The following CNTLN variants were observed in gnomAD, a reference collection of about 807,000 sequenced individuals.
The protein encoded by CNTLN is centlein, centrosomal protein.
In CNTLN, 212 loss-of-function variants were observed where a neutral mutation model predicts 180.0. That is an observed-to-expected ratio of 1.18 (90% CI 1.05 to 1.32). CNTLN has a LOEUF of 1.32. Ranked by LOEUF, CNTLN falls within the 40% of genes most tolerant of loss-of-function variation. CNTLN has a pLI of 0.00. For missense variants in CNTLN, 2,095 were observed against 1,610.9 expected, an observed-to-expected ratio of 1.30 and a Z score of -5.14; for synonymous variants, 722 against 563.1, an observed-to-expected ratio of 1.28 and a Z score of -3.99.
At chr9:17,147,212 A>G (rs1285989180) in intron 2 of CNTLN, among the ~76,000 whole-genome samples, 1 of 152,202 alleles carries the variant, frequency 6.6e-6, no homozygotes, top group African/African-American at 2.4e-5. Flanking sequence ...ATTGTAGTGA[A>G]TGAGAGTTAG....
Position 17,377,740 on chromosome 9 carries a change from A to T in CNTLN, c.1988-10422A>T, listed in dbSNP as rs1478947031. On this transcript the variant is annotated intron_variant, in intron 13 of 25. Transcript: ENST00000380647. ...TTTCTAGATGTTACTCATTTATAGA[A>T]TCAGTGGTTGCTGTGAGGATGTGTT... Among the ~76,000 whole-genome samples, 5 of 152,172 alleles carry T rather than the reference A, an allele frequency of 3.3e-5. No homozygotes were observed. The East Asian group carries it at 9.6e-4, about 29-fold the overall frequency.
chr9:17,205,587 G>T (rs1221614321), intron 2 of CNTLN, among the ~76,000 whole-genome samples: 1 of 152,194 alleles, frequency 6.6e-6, no homozygotes, highest in Non-Finnish European at 1.5e-5. Context: ...GGTGGGAGCA[G>T]TCAGCTGGCT....
chr9:17,143,437 A>T, intron 2 of CNTLN, 61 bp downstream of exon 2: 2 of 1,204,416 alleles, frequency 1.7e-6, no homozygotes, highest in South Asian at 2.5e-5. Context: ...TCTCTTCATT[A>T]TTAAAGTTAG....
At chr9:17,343,135 G>C (rs998241383) in intron 12 of CNTLN, among the ~76,000 whole-genome samples, 1 of 152,172 alleles carries the variant, frequency 6.6e-6, no homozygotes, top group African/African-American at 2.4e-5. Context: ...TCATATTTTA[G>C]AAAACATACA....
At chr9:17,170,040 G>C (rs186939141) in intron 2 of CNTLN, among the ~76,000 whole-genome samples, 73 of 152,060 alleles carry the variant, frequency 4.8e-4, no homozygotes, top group African/African-American at 1.3e-3. Context: ...TATTTTTCCA[G>C]TTATTTGTGT....
chr9:17,152,985 C>CA (rs570309320), intron 2 of CNTLN, among the ~76,000 whole-genome samples: 1 of 151,800 alleles, frequency 6.6e-6, no homozygotes, highest in Admixed American at 6.6e-5. Flanking sequence ...GCAACTCCTG[C>CA]TTTTTTTTGC....
intron 2 of CNTLN, among the ~76,000 whole-genome samples, chr9:17,223,774 C>G (rs1200009470): frequency 6.6e-6 from 1 of 151,976 alleles, no homozygotes; most frequent in Admixed American, 6.6e-5. Flanking sequence ...CTGCTCATTG[C>G]CTTCCCATTT....
At chr9:17,277,824 C>T (rs1828409886) in intron 6 of CNTLN, among the ~76,000 whole-genome samples, 1 of 151,972 alleles carries the variant, frequency 6.6e-6, no homozygotes, top group Non-Finnish European at 1.5e-5. Context: ...TCAGAGAATT[C>T]TACAAATGTT....
At chr9:17,403,035 A>T (rs1827104149) in intron 15 of CNTLN, among the ~76,000 whole-genome samples, 1 of 151,718 alleles carries the variant, frequency 6.6e-6, no homozygotes. Flanking sequence ...AGTGCGTCAA[A>T]AGAGGCATTT....
chr9:17,277,346 C>T lies in CNTLN; in HGVS notation c.983+3480C>T, dbSNP rs1828377388. ...TGTTAGAAATTGAGTCAAGACAGTGCAGTCATAATTTTGGTTCAGAAAATC... is the reference window on the plus strand; with the variant it reads ...TGTTAGAAATTGAGTCAAGACAGTGTAGTCATAATTTTGGTTCAGAAAATC... On this transcript the variant is annotated intron_variant, in intron 6 of 25. Transcript: ENST00000380647. Among the ~76,000 whole-genome samples the T allele has an allele frequency of 2.6e-5, 4 of 152,022 alleles. No individual in the cohort carries two copies. The South Asian group carries it at 8.3e-4, about 32-fold the overall frequency.
At chr9:17,365,800 G>T (rs766247167) in intron 12 of CNTLN, among the ~76,000 whole-genome samples, 3 of 152,004 alleles carry the variant, frequency 2.0e-5, no homozygotes, top group Middle Eastern at 6.3e-3. Context: ...CAAAAAATTA[G>T]CTGGGCATGG....
the CNTLN span, among the ~76,000 whole-genome samples, chr9:17,517,716 C>A: frequency 6.6e-6 from 1 of 152,116 alleles, no homozygotes; most frequent in Non-Finnish European, 1.5e-5. Context: ...GGGAACATGG[C>A]CCTGAGGATA....
At chr9:17,335,925 C>CAAAAAAAAA (rs66491731) in intron 10 of CNTLN, among the ~76,000 whole-genome samples, 3 of 138,500 alleles carry the variant, frequency 2.2e-5, no homozygotes, top group African/African-American at 5.4e-5. Flanking sequence ...GAGTCTGTCT[C>CAAAAAAAAA]AAAAACAAAA....
At chr9:17,315,724 C>G (rs1819496283) in intron 8 of CNTLN, among the ~76,000 whole-genome samples, 1 of 151,970 alleles carries the variant, frequency 6.6e-6, no homozygotes, top group African/African-American at 2.4e-5. Flanking sequence ...CACACATTCT[C>G]TTTTCTGTTG....
chr9:17,366,849 C>G (rs1020298741), intron 13 of CNTLN, 132 bp downstream of exon 13: 70 of 544,244 alleles, frequency 1.3e-4, no homozygotes, highest in Non-Finnish European at 2.1e-4. Context: ...ATTGATAACT[C>G]ACTAACATTT....
In CNTLN at chr9:17,502,602, A is replaced by C. The variant is rs779464249; in HGVS notation, c.4171A>C (p.Lys1391Gln). ...LEAVLEKINE[K>Q]KKLVEGYFTI... is the part of the protein sequence containing the mutation. ...AGCAGTACTGGAAAAAATAAATGAAAAAAAGAAACTAGTTGAAGGATATTT... is the reference window on the plus strand; with the variant it reads ...AGCAGTACTGGAAAAAATAAATGAACAAAAGAAACTAGTTGAAGGATATTT... Residue 1391 changes from lysine (K) to glutamine (Q), a missense_variant, in exon 26 of 26, where the codon AAA becomes CAA. Transcript: ENST00000380647. The C allele has an allele frequency of 3.7e-5, 53 of 1,420,882 alleles. No individual in the cohort carries two copies. Among genetic ancestry groups the C allele is most frequent in the Non-Finnish European group, 5.0e-5 (52 of 1,039,444 alleles). The allele number at this position is 1,420,882 out of a possible 1,614,324, so 88.0% of individuals were successfully genotyped here.
chr9:17,296,160 G>C lies in CNTLN; in HGVS notation c.984-2030G>C, dbSNP rs190809320. Among the ~76,000 whole-genome samples the C allele has an allele frequency of 5.2e-4, 79 of 151,888 alleles. 1 individual carries two copies. In the East Asian group the frequency reaches 8.6e-3, roughly 16 times the overall value. On this transcript the variant is annotated intron_variant, in intron 6 of 25. Transcript: ENST00000380647. ...TGGAACTACAGATGTATGCTACCAT[G>C]CCCAGCCAATTTTTGTAATTTTTGT...
chr9:17,355,311 C>G (rs1175393995), intron 12 of CNTLN, among the ~76,000 whole-genome samples: 2 of 152,190 alleles, frequency 1.3e-5, no homozygotes, highest in East Asian at 1.9e-4. Context: ...AGGTGTGAGC[C>G]ACCGTGCCCA....
At chr9:17,213,860 G>C (rs1161486298) in intron 2 of CNTLN, among the ~76,000 whole-genome samples, 1 of 152,196 alleles carries the variant, frequency 6.6e-6, no homozygotes, top group Non-Finnish European at 1.5e-5. Flanking sequence ...TGTTTTATCA[G>C]ACACCAGGAT....
Sources: allele counts gnomAD v4.1 joint callset (sites outside exome capture counted in the v4.1 genomes callset), GRCh38; gene constraint gnomAD v4.1.1; transcripts MANE v1.5; gene names NCBI Gene and HGNC (gene_info 2026-07-23, HGNC 2026-07-21).